OTUD7A: variants seen among roughly 807,000 people sequenced by gnomAD.
OTUD7A encodes the protein OTU deubiquitinase 7A, also known as OTU domain-containing protein 7A.
Under a neutral mutation model 65.7 loss-of-function variants are expected in OTUD7A, and 12 were observed. The observed-to-expected ratio is 0.18, with a 90% CI of 0.12 to 0.30. The LOEUF is 0.30. Ranked by LOEUF, OTUD7A falls within the 10% of genes least tolerant of loss-of-function variation. OTUD7A has a pLI of 1.00. For missense variants in OTUD7A, 1,148 were observed against 1,304.8 expected (o/e 0.88, Z 1.85); for synonymous variants, 641 against 586.3 (o/e 1.09, Z -1.35).
At chr15:31,668,862 CCTG>C (rs772146444) in intron 1 of OTUD7A, among the ~76,000 whole-genome samples, 3 of 152,156 alleles carry the variant, frequency 2.0e-5, no homozygotes, top group Non-Finnish European at 2.9e-5. Flanking sequence ...GCAGTACTCT[CCTG>C]CTTTTCCTAT....
intron 1 of OTUD7A, among the ~76,000 whole-genome samples, chr15:31,784,973 T>A (rs1315875006): frequency 6.6e-6 from 1 of 152,146 alleles, no homozygotes; most frequent in Non-Finnish European, 1.5e-5. Context: ...CCACCTGTGC[T>A]TATCTCTTAA....
chr15:31,526,280 A>C (rs1479717513), intron 8 of OTUD7A, 69 bp downstream of exon 8: 9 of 1,389,454 alleles, frequency 6.5e-6, no homozygotes, highest in African/African-American at 5.7e-5. Flanking sequence ...CCATCCCCCC[A>C]TGCTGTGTGT....
intron 5 of OTUD7A, among the ~76,000 whole-genome samples, chr15:31,537,486 T>C (rs553823610): frequency 2.0e-5 from 3 of 152,332 alleles, no homozygotes; most frequent in South Asian, 2.1e-4. Flanking sequence ...AAATGAGAAA[T>C]GCAAGTAAGG....
At chr15:31,859,888 G>A (rs981966526) in intron 1 of OTUD7A, among the ~76,000 whole-genome samples, 1 of 152,198 alleles carries the variant, frequency 6.6e-6, no homozygotes, top group Non-Finnish European at 1.5e-5. Context: ...ACCCAGCAGT[G>A]ACACAGGCCT....
At chr15:31,535,496 A>G (rs910644220) in intron 5 of OTUD7A, among the ~76,000 whole-genome samples, 9 of 152,092 alleles carry the variant, frequency 5.9e-5, no homozygotes, top group Admixed American at 5.9e-4. Flanking sequence ...ACCTACCTTT[A>G]CCATATGACC....
chr15:31,520,552 A>G (rs1039093969), intron 8 of OTUD7A, among the ~76,000 whole-genome samples: 3 of 152,260 alleles, frequency 2.0e-5, no homozygotes. Context: ...ACATTCTACA[A>G]GGAAACCTAT....
chr15:31,485,519 A>G (rs947418660), intron 12 of OTUD7A, among the ~76,000 whole-genome samples: 2 of 151,952 alleles, frequency 1.3e-5, no homozygotes, highest in Non-Finnish European at 2.9e-5. Flanking sequence ...GATGAGACCC[A>G]CTGATGAGGT....
chr15:31,501,253 A>G (rs1487306692), intron 10 of OTUD7A, among the ~76,000 whole-genome samples: 1 of 152,228 alleles, frequency 6.6e-6, no homozygotes, highest in African/African-American at 2.4e-5. Flanking sequence ...TGTAGTGCAA[A>G]AACGGCCACA....
chr15:31,649,152 A>C (rs952255709), intron 3 of OTUD7A, among the ~76,000 whole-genome samples: 31 of 152,198 alleles, frequency 2.0e-4, no homozygotes, highest in African/African-American at 6.3e-4. Flanking sequence ...TCCTGCCCTG[A>C]AATAAATGTC....
intron 1 of OTUD7A, among the ~76,000 whole-genome samples, chr15:31,828,074 T>C (rs1386466986): frequency 1.3e-5 from 2 of 152,232 alleles, no homozygotes; most frequent in Non-Finnish European, 2.9e-5. Context: ...GGCATCATTT[T>C]GGTTTTTTCT....
rs143913023 is a variant in OTUD7A at position 31,579,081 on chromosome 15, T to C, written c.152-8884A>G. ...AAGAGAATCAAATATGCACAAAATG[T>C]TAAAAGACAGTTGTCGATTTGGGAA... is the stretch of plus-strand genomic sequence containing the variant. On this transcript the variant is annotated intron_variant, in intron 3 of 12. Transcript: ENST00000307050. Among the ~76,000 whole-genome samples the C allele has an allele frequency of 4.8e-3, 728 of 152,308 alleles. 4 individuals carry two copies. The highest frequency in any genetic ancestry group is 7.9e-3 in the Non-Finnish European group (535 of 68,026).
At chr15:31,839,794 G>T (rs568722716) in intron 1 of OTUD7A, among the ~76,000 whole-genome samples, 8 of 152,066 alleles carry the variant, frequency 5.3e-5, no homozygotes, top group Non-Finnish European at 1.2e-4. Flanking sequence ...AAGCCTCTTG[G>T]GACTAAGTTG....
At chr15:31,824,475 G>C (rs1176261230) in intron 1 of OTUD7A, among the ~76,000 whole-genome samples, 2 of 152,192 alleles carry the variant, frequency 1.3e-5, no homozygotes, top group African/African-American at 4.8e-5. Context: ...AACAGAAAGA[G>C]CTGCTAAATT....
chr15:31,801,925 G>A (rs750989676), intron 1 of OTUD7A, among the ~76,000 whole-genome samples: 1 of 151,396 alleles, frequency 6.6e-6, no homozygotes, highest in Non-Finnish European at 1.5e-5. Context: ...CATGGTGTAC[G>A]CATCTACACA....
intron 1 of OTUD7A, among the ~76,000 whole-genome samples, chr15:31,686,273 T>G (rs1892834519): frequency 6.6e-6 from 1 of 152,360 alleles, no homozygotes; most frequent in Admixed American, 6.5e-5. Context: ...GCAGGGGCTT[T>G]GCCTTGGCTT....
At chr15:31,634,918 C>T (rs1315687932) in intron 3 of OTUD7A, among the ~76,000 whole-genome samples, 8 of 152,170 alleles carry the variant, frequency 5.3e-5, no homozygotes, top group South Asian at 4.1e-4. Context: ...ACCCTGGGGA[C>T]GCAGACAGGA....
chr15:31,483,972 C>G lies in OTUD7A; in HGVS notation c.2124G>C (p.Glu708Asp). Residue 708 changes from glutamate (E) to aspartate (D), a missense_variant, in exon 13 of 13, where the codon GAG becomes GAC. This residue lies in a region of OTUD7A where 842 missense variants were observed against 769.5 expected (regional missense o/e 1.09). Transcript: ENST00000307050. ...AKRPPRRPET[E>D]GVPVPERASP... Reference sequence around the variant, plus strand: ...AGGCGCGCTCCGGGACCGGCACGCCCTCCGTCTCCGGTCTGCGCGGCGGCC... The same window carrying G: ...AGGCGCGCTCCGGGACCGGCACGCCGTCCGTCTCCGGTCTGCGCGGCGGCC... The G allele has an allele frequency of 8.7e-7, 1 of 1,143,422 alleles. No individual in the cohort carries two copies. The highest frequency in any genetic ancestry group is 1.1e-6 in the Non-Finnish European group (1 of 924,892). 70.8% of individuals were successfully genotyped at this position (1,143,422 alleles called of 1,614,324 possible). A position where few individuals can be genotyped will look rare whatever the true frequency, so the allele number is the denominator to read the frequency against.
chr15:31,627,968 G>A (rs1012017857), intron 3 of OTUD7A, among the ~76,000 whole-genome samples: 1 of 152,092 alleles, frequency 6.6e-6, no homozygotes, highest in East Asian at 1.9e-4. Context: ...ATTTGTTTGA[G>A]TTCATTGTAG....
intron 1 of OTUD7A, among the ~76,000 whole-genome samples, chr15:31,828,835 C>T (rs1896861041): frequency 1.3e-5 from 2 of 152,130 alleles, no homozygotes; most frequent in Non-Finnish European, 2.9e-5. Context: ...CCCGCATCTC[C>T]CTCTCCCGCT....
Sources: allele counts gnomAD v4.1 joint callset (sites outside exome capture counted in the v4.1 genomes callset), GRCh38; gene constraint gnomAD v4.1.1; regional missense constraint gnomAD v4.1.1; transcripts MANE v1.5; gene names NCBI Gene and HGNC (gene_info 2026-07-23, HGNC 2026-07-21).